Variants in ARHGAP10 observed in about 807,000 individuals in gnomAD.
The protein encoded by ARHGAP10 is rho GTPase-activating protein 10.
Under a neutral mutation model 108.6 loss-of-function variants are expected in ARHGAP10, and 87 were observed. The ratio of observed to expected loss-of-function variants is 0.80; its 90% CI spans 0.67 to 0.96. The LOEUF (loss-of-function observed/expected upper bound fraction) is 0.96, where lower values mean the gene tolerates loss of function less well. Ranked by LOEUF, ARHGAP10 falls within the 40% of genes least tolerant of loss-of-function variation. ARHGAP10 has a pLI of 0.00. For missense variants in ARHGAP10, 939 were observed against 954.5 expected (o/e 0.98, Z 0.21); for synonymous variants, 347 against 341.1 (o/e 1.02, Z -0.19).
At chr4:147,886,429 T>A (rs28576385) in intron 10 of ARHGAP10, among the ~76,000 whole-genome samples, 16,519 of 152,244 alleles carry the variant, frequency 0.11, 1,027 homozygotes, top group East Asian at 0.27. Flanking sequence ...GCAATCCTGA[T>A]TGCAAGACTT....
chr4:147,803,132 T>C (rs938954044), intron 1 of ARHGAP10, among the ~76,000 whole-genome samples: 6 of 151,888 alleles, frequency 4.0e-5, no homozygotes, highest in African/African-American at 1.5e-4. Context: ...CCTCAGCCTC[T>C]CAAGTAACTG....
chr4:148,064,386 TG>T (rs1729765941), intron 21 of ARHGAP10, 29 bp from the exon 22 acceptor site: 1 of 1,598,578 alleles, frequency 6.3e-7, no homozygotes, highest in African/African-American at 1.3e-5. Flanking sequence ...ACATTTTCAT[TG>T]GTGTCTTTTG....
chr4:147,906,441 A>C (rs948528870), intron 10 of ARHGAP10, among the ~76,000 whole-genome samples, 197 bp from the exon 11 acceptor site: 8 of 152,206 alleles, frequency 5.3e-5, no homozygotes, highest in African/African-American at 1.9e-4. Flanking sequence ...GATGGTGGTG[A>C]TGGTTATGTA....
intron 1 of ARHGAP10, among the ~76,000 whole-genome samples, chr4:147,753,329 C>T (rs1472317661): frequency 1.3e-5 from 2 of 149,586 alleles, no homozygotes; most frequent in African/African-American, 2.4e-5. Context: ...GTTGAGTTTA[C>T]TCTGAAGTCA....
intron 18 of ARHGAP10, among the ~76,000 whole-genome samples, chr4:147,997,301 G>A (rs1740513307): frequency 6.6e-6 from 1 of 152,160 alleles, no homozygotes; most frequent in Non-Finnish European, 1.5e-5. Flanking sequence ...AGAAATAACT[G>A]ATCTAAGAAA....
At chr4:147,991,278 G>A (rs1740266241) in intron 18 of ARHGAP10, among the ~76,000 whole-genome samples, 1 of 152,114 alleles carries the variant, frequency 6.6e-6, no homozygotes. Context: ...GGACCCGTGA[G>A]ACTCTGCATT....
chr4:147,944,338 T>C (rs1490846453), intron 14 of ARHGAP10, among the ~76,000 whole-genome samples: 3 of 152,208 alleles, frequency 2.0e-5, no homozygotes, highest in Non-Finnish European at 4.4e-5. Flanking sequence ...TCAATTGCCA[T>C]TGTTGTAGTT....
chr4:147,981,894 T>C (rs865891092), intron 18 of ARHGAP10, among the ~76,000 whole-genome samples: 1 of 152,240 alleles, frequency 6.6e-6, no homozygotes, highest in Non-Finnish European at 1.5e-5. Context: ...TCTGCTCTTT[T>C]TCGATTCCAT....
chr4:147,910,901 A>C (rs1172578024), intron 12 of ARHGAP10, among the ~76,000 whole-genome samples: 1 of 152,042 alleles, frequency 6.6e-6, no homozygotes, highest in Non-Finnish European at 1.5e-5. Flanking sequence ...AGGATGCCAC[A>C]AGCAGCACAT....
At chr4:147,822,869 C>T (rs756731587) in intron 2 of ARHGAP10, 27 bp from the exon 3 acceptor site, 23 of 1,613,646 alleles carry the variant, frequency 1.4e-5, no homozygotes, top group Non-Finnish European at 1.8e-5. Context: ...CCATGGCCAC[C>T]AAATAATCAC....
chr4:147,858,966 CAG>C (rs1734206992), intron 5 of ARHGAP10, among the ~76,000 whole-genome samples: 1 of 152,178 alleles, frequency 6.6e-6, no homozygotes, highest in African/African-American at 2.4e-5. Context: ...AGAATATAAT[CAG>C]AGTGTGTCCA....
intron 18 of ARHGAP10, among the ~76,000 whole-genome samples, chr4:147,983,800 G>C (rs1312840672): frequency 6.6e-6 from 1 of 151,894 alleles, no homozygotes; most frequent in South Asian, 2.1e-4. Context: ...TGTCATTTCA[G>C]ACATTCATTC....
At chr4:147,784,640 A>G (rs1296297146) in intron 1 of ARHGAP10, among the ~76,000 whole-genome samples, 1 of 68,236 alleles carries the variant, frequency 1.5e-5, no homozygotes, top group Non-Finnish European at 2.6e-5. Flanking sequence ...TATATTATAA[A>G]TATAAAATAT....
chr4:147,957,189 C>G (rs561440647), intron 16 of ARHGAP10, among the ~76,000 whole-genome samples: 26 of 152,220 alleles, frequency 1.7e-4, no homozygotes, highest in African/African-American at 5.8e-4. Flanking sequence ...TGGATTTGCA[C>G]CTAAGTGCCG....
rs1055342279 is a variant in ARHGAP10, at chr4:147,915,825, TGGG to T, written c.1228+2689_1228+2691del. ...TATTATTGAAAATGATGAGGACAGC[TGGG>T]GGCACTGGCTCACACCTATAATCCC... On this transcript the variant is annotated intron_variant, in intron 13 of 22. Transcript: ENST00000336498. Among the ~76,000 whole-genome samples, 23 of 152,130 alleles carry T rather than the reference TGGG, an allele frequency of 1.5e-4. 1 individual carries two copies. Among genetic ancestry groups the T allele is most frequent in the Admixed American group, 1.4e-3 (21 of 15,272 alleles).
At chr4:147,874,976 CAT>C (rs1337135685) in intron 7 of ARHGAP10, 43 bp from the exon 8 acceptor site, 1 of 1,484,632 alleles carries the variant, frequency 6.7e-7, no homozygotes, top group Admixed American at 2.5e-5. Context: ...TGAGAAAACT[CAT>C]ATGAGAACTT....
At chr4:147,757,713 G>A (rs1239364558) in intron 1 of ARHGAP10, among the ~76,000 whole-genome samples, 2 of 152,172 alleles carry the variant, frequency 1.3e-5, no homozygotes, top group Non-Finnish European at 2.9e-5. Context: ...TGCACACCTG[G>A]GTACTTAACC....
At position 147,875,140 on chromosome 4, in the gene ARHGAP10, C is replaced by T. The variant is rs483352830; in HGVS notation, c.822C>T (p.Val274=). 9.5e-6 allele frequency: 15 copies of T among 1,575,102 alleles called. No homozygotes were observed. The East Asian group carries it at 3.4e-4, about 36-fold the overall frequency. Residue 274 remains valine (V), a synonymous_variant, in exon 8 of 23, where the codon GTC becomes GTT. Transcript: ENST00000336498. ...TTACAGCCGAAGGCTACCTGTATGT[C>T]CAGGAAAAAAGTAAGAGGCCCTCCA... ...SQFTAEGYLY[V]QEKRPAPFGS...
At chr4:147,936,914 C>G (rs1016661899) in intron 13 of ARHGAP10, among the ~76,000 whole-genome samples, 6 of 152,166 alleles carry the variant, frequency 3.9e-5, no homozygotes, top group Non-Finnish European at 7.3e-5. Flanking sequence ...AGCCTTATGG[C>G]CTCAGCTCCG....
Sources: allele counts gnomAD v4.1 joint callset (sites outside exome capture counted in the v4.1 genomes callset), GRCh38; gene constraint gnomAD v4.1.1; transcripts MANE v1.5; gene names NCBI Gene and HGNC (gene_info 2026-07-23, HGNC 2026-07-21).